The following HK2 variants were observed in gnomAD, a reference collection of about 807,000 sequenced individuals.
HK2 encodes the protein hexokinase-2.
A neutral mutation model predicts 92.9 loss-of-function variants in HK2; 42 were observed. The observed-to-expected ratio is 0.45, with a 90% CI of 0.35 to 0.58. The LOEUF is 0.58. Ranked by LOEUF, HK2 falls within the 20% of genes least tolerant of loss-of-function variation. The probability of loss-of-function intolerance (pLI) is 0.00; values close to 1 mark genes in which losing one functional copy is unlikely to be tolerated. For synonymous variants in HK2, 422 were observed against 468.0 expected (o/e 0.90, Z 1.27); for missense variants, 978 against 1,245.1 (o/e 0.79, Z 3.23).
intron 15 of HK2, among the ~76,000 whole-genome samples, chr2:74,887,413 C>T (rs535867448): frequency 4.7e-5 from 7 of 148,918 alleles, no homozygotes; most frequent in African/African-American, 1.7e-4. Flanking sequence ...TGCATAATAA[C>T]GTTTAGTTCC....
At chr2:74,853,966 G>A (rs1450578367) in intron 1 of HK2, among the ~76,000 whole-genome samples, 1 of 151,956 alleles carries the variant, frequency 6.6e-6, no homozygotes, top group South Asian at 2.1e-4. Context: ...AAGAGATGAG[G>A]GTAATGAACC....
chr2:74,866,923 A>G (rs980595493), intron 2 of HK2, among the ~76,000 whole-genome samples: 3 of 152,138 alleles, frequency 2.0e-5, no homozygotes, highest in African/African-American at 4.8e-5. Flanking sequence ...ATATGCAAAC[A>G]TTAGAAAGTA....
At chr2:74,861,683 T>C (rs1369543461) in intron 2 of HK2, among the ~76,000 whole-genome samples, 1 of 152,224 alleles carries the variant, frequency 6.6e-6, no homozygotes, top group Non-Finnish European at 1.5e-5. Context: ...TGGCTTGTAC[T>C]GCTGAACCAA....
At chr2:74,860,419 G>A (rs1398426701) in intron 2 of HK2, among the ~76,000 whole-genome samples, 1 of 152,142 alleles carries the variant, frequency 6.6e-6, no homozygotes, top group Non-Finnish European at 1.5e-5. Context: ...GTCAATCCCT[G>A]TACCTGATCC....
At chr2:74,884,719 TGG>T (rs1689479289) in intron 12 of HK2, among the ~76,000 whole-genome samples, 1 of 152,136 alleles carries the variant, frequency 6.6e-6, no homozygotes, top group Non-Finnish European at 1.5e-5. Context: ...GCCGAGCTCT[TGG>T]GTAAGGAGTC....
At chr2:74,862,501 C>A (rs1448723014) in intron 2 of HK2, among the ~76,000 whole-genome samples, 1 of 152,124 alleles carries the variant, frequency 6.6e-6, no homozygotes, top group Non-Finnish European at 1.5e-5. Context: ...TTAGAGATAT[C>A]GGGCCATATA....
At chr2:74,863,914 G>A (rs1402709113) in intron 2 of HK2, among the ~76,000 whole-genome samples, 1 of 152,240 alleles carries the variant, frequency 6.6e-6, no homozygotes, top group African/African-American at 2.4e-5. Flanking sequence ...CCACCTCCAA[G>A]TTTACGGCTG....
At chr2:74,862,286 G>A (rs1281633381) in intron 2 of HK2, among the ~76,000 whole-genome samples, 1 of 152,234 alleles carries the variant, frequency 6.6e-6, no homozygotes, top group Non-Finnish European at 1.5e-5. Context: ...GGGCTTTTAA[G>A]CACACCACCA....
chr2:74,865,533 A>G (rs1322494283), intron 2 of HK2, among the ~76,000 whole-genome samples: 1 of 151,970 alleles, frequency 6.6e-6, no homozygotes, highest in Non-Finnish European at 1.5e-5. Flanking sequence ...GTTTCCTAGA[A>G]TTTGGCTGAG....
intron 1 of HK2, among the ~76,000 whole-genome samples, chr2:74,843,362 C>A (rs62146685): frequency 1.0e-3 from 154 of 152,200 alleles, no homozygotes; most frequent in Non-Finnish European, 1.9e-3. Flanking sequence ...TCCATCCCAC[C>A]TCTTGAACAG....
chr2:74,875,127 C>T (rs1689193972), intron 7 of HK2, among the ~76,000 whole-genome samples: 1 of 152,134 alleles, frequency 6.6e-6, no homozygotes, highest in Admixed American at 6.5e-5. Context: ...CAAACATTTG[C>T]CAAATGTGCG....
At chr2:74,877,508 G>T (rs559528705) in intron 8 of HK2, among the ~76,000 whole-genome samples, 187 bp downstream of exon 8, 2 of 152,262 alleles carry the variant, frequency 1.3e-5, no homozygotes, top group African/African-American at 4.8e-5. Context: ...TGTCGATTTC[G>T]ATTGTGATTG....
At position 74,892,686 on chromosome 2, in the gene HK2, C is replaced by G. The variant is rs535303794; in HGVS notation, c.*1745C>G. On this transcript the variant is annotated 3_prime_UTR_variant, in exon 18 of 18. Coordinates refer to ENST00000290573, the MANE Select transcript of HK2 (RefSeq NM_000189.5). Reference sequence around the variant, plus strand: ...GAAAGAAACTCACGATGAAATTGAACCTGGTTTTTGTATATTTATCAAACT... The same window carrying G: ...GAAAGAAACTCACGATGAAATTGAAGCTGGTTTTTGTATATTTATCAAACT... 2 of 152,180 alleles carry G rather than the reference C, an allele frequency of 1.3e-5. No homozygotes were observed. Among genetic ancestry groups the G allele is most frequent in the Non-Finnish European group, 2.9e-5 (2 of 68,038 alleles). 9.4% of individuals were successfully genotyped at this position (152,180 alleles called of 1,614,324 possible). A position where few individuals can be genotyped will look rare whatever the true frequency, so the allele number is the denominator to read the frequency against.
At chr2:74,881,888 G>A in intron 11 of HK2, 29 bp downstream of exon 11, 1 of 1,611,788 alleles carries the variant, frequency 6.2e-7, no homozygotes. Flanking sequence ...TCAGGAGGGG[G>A]CCCCTGGTGG....
rs1331296916 is a variant in HK2, at chr2:74,854,362, A to G, written c.133A>G (p.Lys45Glu). 12 of 1,613,926 alleles carry G rather than the reference A, an allele frequency of 7.4e-6. No individual in the cohort carries two copies. The highest frequency in any genetic ancestry group is 9.3e-6 in the Non-Finnish European group (11 of 1,179,988). The change falls in exon 2 of 18, where the codon AAG (lysine) becomes GAG (glutamate). Residue 45 changes from lysine to glutamate, a missense_variant. Physicochemically the swap from Lys to Glu is moderately conservative, Grantham distance 56. Transcript: ENST00000290573. ...CTTGGAGATCTCTAAGCGGTTCCGCAAGGAGATGGAGAAAGGGCTTGGAGC... is the reference window on the plus strand; with the variant it reads ...CTTGGAGATCTCTAAGCGGTTCCGCGAGGAGATGGAGAAAGGGCTTGGAGC... ...TLLEISKRFR[K>E]EMEKGLGATT...
intron 3 of HK2, 47 bp from the exon 4 acceptor site, chr2:74,872,251 CTA>C: frequency 6.2e-7 from 1 of 1,608,748 alleles, no homozygotes; most frequent in Non-Finnish European, 8.5e-7. Flanking sequence ...CCCTTAATCT[CTA>C]TGCTGTTCGA....
intron 1 of HK2, among the ~76,000 whole-genome samples, chr2:74,851,209 C>T (rs978404770): frequency 1.3e-5 from 2 of 152,230 alleles, no homozygotes; most frequent in Non-Finnish European, 2.9e-5. Context: ...ATCTCTGCCC[C>T]TCATTACCCA....
intron 7 of HK2, among the ~76,000 whole-genome samples, chr2:74,876,909 C>G (rs948275924): frequency 2.0e-5 from 3 of 152,314 alleles, no homozygotes; most frequent in African/African-American, 7.2e-5. Context: ...CAGAATGTTC[C>G]ATACTCCCTG....
intron 3 of HK2, among the ~76,000 whole-genome samples, chr2:74,870,951 C>G (rs1253219587): frequency 1.3e-5 from 2 of 152,190 alleles, no homozygotes; most frequent in East Asian, 3.9e-4. Context: ...TTGGGGTGGC[C>G]TTGTCTTCCT....
Sources: allele counts gnomAD v4.1 joint callset (sites outside exome capture counted in the v4.1 genomes callset), GRCh38; gene constraint gnomAD v4.1.1; transcripts MANE v1.5; gene names NCBI Gene and HGNC (gene_info 2026-07-23, HGNC 2026-07-21).